GSDMD: variants seen among roughly 807,000 people sequenced by gnomAD.
GSDMD encodes gasdermin D.
A neutral mutation model predicts 46.7 loss-of-function variants in GSDMD; 46 were observed. That is an observed-to-expected ratio of 0.99 (90% CI 0.78 to 1.26). The LOEUF is 1.26. GSDMD is among the 50% of genes most tolerant of loss of function. The pLI, the probability that GSDMD is intolerant of heterozygous loss-of-function variation, is 0.00. For missense variants in GSDMD, 649 were observed against 638.8 expected (o/e 1.02, Z -0.17); for synonymous variants, 307 against 283.1 (o/e 1.08, Z -0.85).
At chr8:143,554,657 C>T (rs960397948), upstream of GSDMD, among the ~76,000 whole-genome samples, 2 of 149,334 alleles carry the variant, frequency 1.3e-5, no homozygotes, top group Non-Finnish European at 1.5e-5. Context: ...CACACACGTG[C>T]ATACACACGT....
chr8:143,558,287 G>A (rs1471332691), upstream of GSDMD: 17 of 1,486,366 alleles, frequency 1.1e-5, no homozygotes, highest in Admixed American at 4.7e-5. Flanking sequence ...GAAGGGGGCC[G>A]GGGCGGGCTC....
chr8:143,562,347 A>T lies in GSDMD; in HGVS notation c.1135A>T (p.Thr379Ser). The change falls in exon 9 of 11, where the codon ACC (threonine) becomes TCC (serine). Residue 379 changes from threonine to serine, a missense_variant. Thr to Ser is a moderately conservative substitution (Grantham distance 58). Coordinates refer to ENST00000262580, the MANE Select transcript of GSDMD (RefSeq NM_024736.7). Reference sequence around the variant, plus strand: ...TGTTGTCTACCTGCTGGGGGCACTGACCAGTGAGCGGCCGCTGGGGGCAGG... The same window carrying T: ...TGTTGTCTACCTGCTGGGGGCACTGTCCAGTGAGCGGCCGCTGGGGGCAGG... Reference protein sequence around the residue: ...IPVVYLLGALTMLSETQHKLL... With the variant: ...IPVVYLLGALSMLSETQHKLL... 8.2e-7 allele frequency: 1 copy of T among 1,223,542 alleles called. No homozygotes were observed. The highest frequency in any genetic ancestry group is 1.1e-6 in the Non-Finnish European group (1 of 934,624). The allele number at this position is 1,223,542 out of a possible 1,614,324, so 75.8% of individuals were successfully genotyped here. A position where few individuals can be genotyped will look rare whatever the true frequency, so the allele number is the denominator to read the frequency against.
rs756600999 is a variant in GSDMD at position 143,562,206 on chromosome 8, C to T, written c.997-3C>T. 2 of 1,579,394 alleles carry T rather than the reference C, an allele frequency of 1.3e-6. No individual in the cohort carries two copies. ...GACTCACCTGCCCTTCCCGTGCCCA[C>T]AGCTGGAGCAGGGCCAGAGCCTTGG... On this transcript the variant is annotated splice_region_variant and splice_polypyrimidine_tract_variant and intron_variant, in intron 8 of 10. Coordinates refer to ENST00000262580, the MANE Select transcript of GSDMD (RefSeq NM_024736.7).
upstream of GSDMD, chr8:143,558,099 G>A: frequency 4.0e-6 from 2 of 503,232 alleles, no homozygotes; most frequent in South Asian, 2.1e-5. Context: ...TCACCATGTT[G>A]GTCAGTCTGG....
rs1429705908 is a variant in GSDMD at position 143,559,320 on chromosome 8, TC to T, written c.-4-8del. The T allele has an allele frequency of 7.5e-7, 1 of 1,325,984 alleles. No individual in the cohort carries two copies. Among genetic ancestry groups the T allele is most frequent in the Middle Eastern group, 2.0e-4 (1 of 4,954 alleles). The allele number at this position is 1,325,984 out of a possible 1,614,324, so 82.1% of individuals were successfully genotyped here. On this transcript the variant is annotated splice_polypyrimidine_tract_variant and intron_variant, in intron 1 of 10. Transcript: ENST00000262580. The stretch of plus-strand genomic sequence containing the variant: ...CCGAGAGCACAATGCCTGACCCATT[TC>T]CCCTCCTCAGGAGCATGGGGTCGGC...
chr8:143,559,272 T>TC, intron 1 of GSDMD, 60 bp from the exon 2 acceptor site: 1 of 638,408 alleles, frequency 1.6e-6, no homozygotes. Flanking sequence ...TACTGACCCT[T>TC]CTCCCACTCC....
chr8:143,560,947 C>T (rs767783361), intron 4 of GSDMD, 55 bp from the exon 5 acceptor site: 29 of 1,563,680 alleles, frequency 1.9e-5, no homozygotes, highest in African/African-American at 5.4e-5. Flanking sequence ...GGCCCGCACC[C>T]GCACCCCACG....
intron 3 of GSDMD, chr8:143,560,315 G>A (rs996870755): frequency 7.2e-6 from 5 of 689,866 alleles, no homozygotes; most frequent in African/African-American, 1.8e-5. Flanking sequence ...TGGATCCTAA[G>A]GACCGGACTG....
At chr8:143,556,477 C>T (rs915066636), upstream of GSDMD, among the ~76,000 whole-genome samples, 3 of 151,892 alleles carry the variant, frequency 2.0e-5, no homozygotes, top group Non-Finnish European at 2.9e-5. Context: ...CCCAGGAGGT[C>T]GAGGCTGCAG....
At chr8:143,556,409 G>A (rs956639276), upstream of GSDMD, among the ~76,000 whole-genome samples, 2 of 152,188 alleles carry the variant, frequency 1.3e-5, no homozygotes, top group Admixed American at 6.5e-5. Context: ...GCCAGGTGTG[G>A]TGCTGAGCAC....
upstream of GSDMD, among the ~76,000 whole-genome samples, chr8:143,554,043 G>C (rs1340582661): frequency 8.8e-6 from 1 of 113,410 alleles, no homozygotes; most frequent in Non-Finnish European, 2.1e-5. Context: ...GGGGCCTGAC[G>C]CACCACAGAC....
In GSDMD at chr8:143,559,536, G is replaced by T. The variant is rs141833518; in HGVS notation, c.201G>T (p.Pro67=). 13 of 1,612,402 alleles carry T rather than the reference G, an allele frequency of 8.1e-6. No homozygotes were observed. In the African/African-American group the frequency reaches 1.2e-4, roughly 15 times the overall value. The part of the protein sequence containing the change: ...VNLSIKDILE[P]DAAEPDVQRG... Reference sequence around the variant, plus strand: ...TGTCTATCAAGGACATCCTGGAGCCGGATGCCGCGGAACCAGGTGCCTGAT... The same window carrying T: ...TGTCTATCAAGGACATCCTGGAGCCTGATGCCGCGGAACCAGGTGCCTGAT... Residue 67 remains proline (P), a synonymous_variant, in exon 2 of 11, where the codon CCG becomes CCT. Coordinates refer to ENST00000262580, the MANE Select transcript of GSDMD (RefSeq NM_024736.7).
Position 143,560,694 on chromosome 8 carries a change from A to G in GSDMD, c.502A>G (p.Lys168Glu). 1 of 1,584,280 alleles carries G rather than the reference A, an allele frequency of 6.3e-7. No homozygotes were observed. ...GGTGACTGAGGTGCTGCAGACACAG[A>G]AGGAGGTGGAAGTCACGCGCACCCA... ...YVVTEVLQTQ[K>E]EVEVTRTHKR... The change falls in exon 4 of 11, where the codon AAG (lysine) becomes GAG (glutamate). Residue 168 changes from lysine (K) to glutamate (E), a missense_variant. By Grantham distance (56) the Lys-to-Glu change is moderately conservative. Coordinates refer to ENST00000262580, the MANE Select transcript of GSDMD (RefSeq NM_024736.7).
At chr8:143,560,880 C>T (rs762901097) in intron 4 of GSDMD, 109 bp downstream of exon 4, 5 of 1,433,148 alleles carry the variant, frequency 3.5e-6, no homozygotes, top group Non-Finnish European at 4.7e-6. Flanking sequence ...CAGCTCCCAG[C>T]CCTGCGCTTG....
chr8:143,562,089 G>A lies in GSDMD; in HGVS notation c.954G>A (p.Gly318=). The change falls in exon 8 of 11, where the codon GGG becomes GGA. Residue 318 remains glycine, a synonymous_variant. Coordinates refer to ENST00000262580, the MANE Select transcript of GSDMD (RefSeq NM_024736.7). ...AGCTGCTGCTGGAGGGCCTGGAGGG[G>A]GTGCTGCGGGACCAGCTGGCCCTGC... ...LCQLLLEGLE[G]VLRDQLALRA... The A allele has an allele frequency of 6.3e-7, 1 of 1,596,914 alleles. No homozygotes were observed. Among genetic ancestry groups the A allele is most frequent in the Non-Finnish European group, 8.5e-7 (1 of 1,177,290 alleles).
At chr8:143,558,217 A>C, upstream of GSDMD, 5 of 1,149,772 alleles carry the variant, frequency 4.3e-6, no homozygotes, top group Non-Finnish European at 5.9e-6. Flanking sequence ...GCGCCAAGCC[A>C]AGGTTCCTCC....
chr8:143,562,922 C>A lies in GSDMD; in HGVS notation c.*18C>A. The A allele has an allele frequency of 5.0e-6, 8 of 1,611,442 alleles. No homozygotes were observed. Among genetic ancestry groups the A allele is most frequent in the Non-Finnish European group, 6.8e-6 (8 of 1,179,894 alleles). On this transcript the variant is annotated 3_prime_UTR_variant, in exon 11 of 11. Coordinates refer to ENST00000262580, the MANE Select transcript of GSDMD (RefSeq NM_024736.7). ...CCCACTAGCCTGTGCCCGGGCATGGCCTGGCAGCTCTCCAGCAGGGCAGAG... is the reference window on the plus strand; with the variant it reads ...CCCACTAGCCTGTGCCCGGGCATGGACTGGCAGCTCTCCAGCAGGGCAGAG...
chr8:143,559,745 T>C (rs1823403534), intron 2 of GSDMD, 32 bp from the exon 3 acceptor site: 1 of 1,556,298 alleles, frequency 6.4e-7, no homozygotes, highest in Non-Finnish European at 8.7e-7. Flanking sequence ...GGCGGGGCGC[T>C]GGGCACAGCC....
Position 143,562,260 on chromosome 8 carries a change from G to T in GSDMD, c.1048G>T (p.Gly350Cys). Residue 350 changes from glycine to cysteine, a missense_variant, in exon 9 of 11, where the codon GGT becomes TGT. By Grantham distance (159) the Gly-to-Cys change is radical (BLOSUM62 -3). Transcript: ENST00000262580. ...GGTGGAGCCCCTGGACGGTCCAGCA[G>T]GTGCTGTCCTGGAGTGCCTGGTGTT... ...GPVEPLDGPA[G>C]AVLECLVLSS... 1 of 1,560,162 alleles carries T rather than the reference G, an allele frequency of 6.4e-7. No individual in the cohort carries two copies.
Sources: gnomAD v4.1 joint callset for allele counts (sites outside exome capture counted in the v4.1 genomes callset) on GRCh38, gnomAD v4.1.1 for gene constraint, MANE v1.5 for transcripts, NCBI Gene and HGNC (gene_info 2026-07-23, HGNC 2026-07-21) for gene names.